GRM7: variants seen among roughly 807,000 people sequenced by gnomAD.
GRM7 encodes glutamate metabotropic receptor 7.
In GRM7, 35 loss-of-function variants were observed where a neutral mutation model predicts 84.5. That is an observed-to-expected ratio of 0.41 (90% CI 0.32 to 0.55). The LOEUF (loss-of-function observed/expected upper bound fraction) is 0.55. Among genes scored for constraint, GRM7 ranks in the 20% least tolerant of loss-of-function variants. The pLI is 0.19. For missense variants in GRM7, 1,003 were observed against 1,194.6 expected (o/e 0.84, Z 2.36); for synonymous variants, 487 against 455.1 (o/e 1.07, Z -0.89).
chr3:7,395,777 C>A (rs1417278314), intron 4 of GRM7, among the ~76,000 whole-genome samples: 1 of 152,148 alleles, frequency 6.6e-6, no homozygotes, highest in Non-Finnish European at 1.5e-5. Flanking sequence ...AAACCTCTTT[C>A]CTTTATAAAT....
chr3:7,665,399 T>C (rs927112907), intron 8 of GRM7, among the ~76,000 whole-genome samples: 1 of 151,826 alleles, frequency 6.6e-6, no homozygotes, highest in African/African-American at 2.4e-5. Context: ...ATGGTCTCGA[T>C]CTCCTGACCT....
At chr3:7,103,830 GTC>G (rs1699206473) in intron 1 of GRM7, among the ~76,000 whole-genome samples, 2 of 66,846 alleles carry the variant, frequency 3.0e-5, no homozygotes, top group African/African-American at 9.8e-5. Flanking sequence ...CTCTCTCTCT[GTC>G]TCTCTCTCCC....
At chr3:7,512,153 A>AAAAAG (rs750705346) in intron 7 of GRM7, among the ~76,000 whole-genome samples, 168 of 152,126 alleles carry the variant, frequency 1.1e-3, no homozygotes, top group African/African-American at 3.2e-3. Context: ...TCTGGAAATA[A>AAAAAG]AAAAGAAAAG....
At chr3:7,703,371 A>T (rs559693661) in intron 9 of GRM7, among the ~76,000 whole-genome samples, 1 of 152,266 alleles carries the variant, frequency 6.6e-6, no homozygotes, top group South Asian at 2.1e-4. Flanking sequence ...CTTAAGAAAG[A>T]CAAGGGTCCT....
At chr3:7,591,433 C>A in intron 8 of GRM7, 1 of 440,852 alleles carries the variant, frequency 2.3e-6, no homozygotes, top group Non-Finnish European at 4.5e-6. Flanking sequence ...AATGAATGTC[C>A]AAAGTGATCA....
At chr3:7,645,416 G>A (rs1430576361) in intron 8 of GRM7, among the ~76,000 whole-genome samples, 3 of 151,468 alleles carry the variant, frequency 2.0e-5, no homozygotes, top group Non-Finnish European at 4.4e-5. Flanking sequence ...GTGTGGTGGT[G>A]CGCGCCTGTA....
At chr3:7,342,825 C>T (rs905917324) in intron 4 of GRM7, among the ~76,000 whole-genome samples, 1 of 152,118 alleles carries the variant, frequency 6.6e-6, no homozygotes, top group Admixed American at 6.6e-5. Context: ...TCCAGGCAGC[C>T]TGCTGACATG....
intron 1 of GRM7, among the ~76,000 whole-genome samples, chr3:7,064,468 A>G (rs1224232972): frequency 9.5e-6 from 1 of 105,250 alleles, no homozygotes; most frequent in Non-Finnish European, 1.8e-5. Flanking sequence ...ATATACATAT[A>G]TATATATATA....
chr3:7,110,057 A>G (rs949258796), intron 1 of GRM7, among the ~76,000 whole-genome samples: 1 of 152,152 alleles, frequency 6.6e-6, no homozygotes, highest in African/African-American at 2.4e-5. Flanking sequence ...AAAAATATAC[A>G]TAACATGAAA....
At chr3:7,453,178 A>G (rs189271710) in intron 6 of GRM7, among the ~76,000 whole-genome samples, 14 of 152,208 alleles carry the variant, frequency 9.2e-5, no homozygotes, top group Non-Finnish European at 1.8e-4. Flanking sequence ...TCATACCACA[A>G]CAGGAATTCA....
intron 5 of GRM7, among the ~76,000 whole-genome samples, chr3:7,448,239 AT>A (rs1394381029): frequency 9.9e-5 from 15 of 151,538 alleles, no homozygotes; most frequent in Non-Finnish European, 1.3e-4. Context: ...TAGCAGCATG[AT>A]TTATAGTCCT....
chr3:7,479,448 G>A (rs564090357), intron 7 of GRM7, among the ~76,000 whole-genome samples: 11 of 152,136 alleles, frequency 7.2e-5, no homozygotes, highest in Admixed American at 6.5e-4. Flanking sequence ...TGAGTATGTT[G>A]ACCTGTATAG....
chr3:7,403,902 C>T (rs933641835), intron 4 of GRM7, among the ~76,000 whole-genome samples: 1 of 151,610 alleles, frequency 6.6e-6, no homozygotes, highest in African/African-American at 2.4e-5. Context: ...TTCTGGTACT[C>T]CTTGGATAGC....
chr3:7,648,981 T>A (rs772714800), intron 8 of GRM7, among the ~76,000 whole-genome samples: 12 of 133,228 alleles, frequency 9.0e-5, no homozygotes, highest in Non-Finnish European at 1.8e-4. Context: ...CACTCATTGT[T>A]TCCCCCCAGG....
At chr3:6,984,973 C>T (rs1036924865) in intron 1 of GRM7, among the ~76,000 whole-genome samples, 1 of 152,210 alleles carries the variant, frequency 6.6e-6, no homozygotes, top group Non-Finnish European at 1.5e-5. Context: ...TCAGCTTTTT[C>T]TTCAGCGTCA....
chr3:7,385,864 C>T (rs1043807374), intron 4 of GRM7, among the ~76,000 whole-genome samples: 2 of 152,116 alleles, frequency 1.3e-5, no homozygotes, highest in Admixed American at 6.5e-5. Flanking sequence ...GTGGTATATT[C>T]GTATCTTGAA....
chr3:7,342,703 T>C (rs1369981765), intron 4 of GRM7, among the ~76,000 whole-genome samples: 1 of 152,160 alleles, frequency 6.6e-6, no homozygotes, highest in Non-Finnish European at 1.5e-5. Context: ...TCATGGAATT[T>C]TTGTTTCTAA....
intron 1 of GRM7, among the ~76,000 whole-genome samples, chr3:7,010,877 A>G (rs1488536641): frequency 1.3e-5 from 2 of 152,208 alleles, no homozygotes; most frequent in Non-Finnish European, 2.9e-5. Context: ...AAAAAAGCAA[A>G]CAAATCTTTT....
intron 1 of GRM7, among the ~76,000 whole-genome samples, chr3:7,070,827 A>G (rs534074044): frequency 6.6e-6 from 1 of 152,144 alleles, no homozygotes; most frequent in Non-Finnish European, 1.5e-5. Context: ...TTGCACATCA[A>G]ATAGAAGCTA....
Sources: gnomAD v4.1 joint callset for allele counts (sites outside exome capture counted in the v4.1 genomes callset) on GRCh38, gnomAD v4.1.1 for gene constraint, MANE v1.5 for transcripts, NCBI Gene and HGNC (gene_info 2026-07-23, HGNC 2026-07-21) for gene names.